ZRANB2: variants seen among roughly 807,000 people sequenced by gnomAD.
ZRANB2 encodes zinc finger Ran-binding domain-containing protein 2.
A neutral mutation model predicts 53.4 loss-of-function variants in ZRANB2; 19 were observed. The observed-to-expected ratio is 0.36, with a 90% CI of 0.25 to 0.52. The LOEUF (loss-of-function observed/expected upper bound fraction) is 0.52, where lower values mean the gene tolerates loss of function less well. Ranked by LOEUF, ZRANB2 falls within the 20% of genes least tolerant of loss-of-function variation. ZRANB2 has a pLI of 0.93. For missense variants in ZRANB2, 309 were observed against 401.1 expected (o/e 0.77, Z 1.96); for synonymous variants, 145 against 134.8 (o/e 1.08, Z -0.52).
intron 4 of ZRANB2, among the ~76,000 whole-genome samples, chr1:71,075,997 A>C (rs559573237): frequency 6.6e-6 from 1 of 152,264 alleles, no homozygotes; most frequent in South Asian, 2.1e-4. Flanking sequence ...CCTAGAAACT[A>C]AACAGACAAT....
rs1454216469 is a variant in ZRANB2 at position 71,066,938 on chromosome 1, C to G, written c.771-4G>C. 7.1e-6 allele frequency: 11 copies of G among 1,549,774 alleles called. No individual in the cohort carries two copies. Among genetic ancestry groups the G allele is most frequent in the Non-Finnish European group, 7.0e-6 (8 of 1,149,258 alleles). Reference sequence around the variant, plus strand: ...CCTGTGGGACCTGGAGCTGGATCTTCATTGATTGAGAAACAAATCAAACAT... The same window carrying G: ...CCTGTGGGACCTGGAGCTGGATCTTGATTGATTGAGAAACAAATCAAACAT... On this transcript the variant is annotated splice_polypyrimidine_tract_variant and splice_region_variant and intron_variant, in intron 8 of 9. Transcript: ENST00000370920.
chr1:71,079,569 C>A (rs374568547), intron 1 of ZRANB2, among the ~76,000 whole-genome samples: 2 of 152,080 alleles, frequency 1.3e-5, no homozygotes, highest in African/African-American at 4.8e-5. Flanking sequence ...AAGTTTTTCC[C>A]CTAAAAATAT....
rs764312401 is a variant in ZRANB2 at position 71,080,960 on chromosome 1, G to A, written c.36C>T (p.Asp12=). 3.1e-6 allele frequency: 5 copies of A among 1,614,146 alleles called. No individual in the cohort carries two copies. Among genetic ancestry groups the A allele is most frequent in the Non-Finnish European group, 4.2e-6 (5 of 1,180,032 alleles). Reference sequence around the variant, plus strand: ...CTCACTTTTTGTCAGGGCAAATCCAGTCCCCGTCACTGACTCGGAAATTCT... The same window carrying A: ...CTCACTTTTTGTCAGGGCAAATCCAATCCCCGTCACTGACTCGGAAATTCT... The part of the protein sequence containing the change: ...STKNFRVSDG[D]WICPDKKCGN... Residue 12 remains aspartate (D), a synonymous_variant, in exon 1 of 10, where the codon GAC becomes GAT. Coordinates refer to ENST00000370920, the MANE Select transcript of ZRANB2 (RefSeq NM_203350.3).
At chr1:71,071,099 C>T in intron 6 of ZRANB2, 103 bp from the exon 7 acceptor site, 1 of 898,750 alleles carries the variant, frequency 1.1e-6, no homozygotes, top group Non-Finnish European at 1.5e-6. Context: ...GCATATATCA[C>T]AGGTATCTCA....
At chr1:71,074,975 T>G (rs1204273856) in intron 4 of ZRANB2, among the ~76,000 whole-genome samples, 1 of 152,144 alleles carries the variant, frequency 6.6e-6, no homozygotes, top group East Asian at 1.9e-4. Flanking sequence ...CCAGAATGAC[T>G]GAAAAATGAC....
intron 9 of ZRANB2, among the ~76,000 whole-genome samples, chr1:71,065,350 T>C (rs966330209): frequency 4.6e-5 from 7 of 152,074 alleles, no homozygotes; most frequent in African/African-American, 1.7e-4. Flanking sequence ...AAAAATTCTC[T>C]ACAATTTCAA....
At chr1:71,079,696 A>T (rs1661792569) in intron 1 of ZRANB2, among the ~76,000 whole-genome samples, 1 of 152,232 alleles carries the variant, frequency 6.6e-6, no homozygotes, top group East Asian at 1.9e-4. Context: ...ATGAACTCTC[A>T]TTGAGAGTCC....
chr1:71,067,359 T>C (rs575851798), intron 8 of ZRANB2: 2 of 201,998 alleles, frequency 9.9e-6, no homozygotes, highest in African/African-American at 4.8e-5. Flanking sequence ...CATAATTCCA[T>C]GTGGAATTAT....
rs769509876 is a variant in ZRANB2, at chr1:71,076,868, A to G, written c.228T>C (p.Asn76=). 1 of 1,612,188 alleles carries G rather than the reference A, an allele frequency of 6.2e-7. No homozygotes were observed. Among genetic ancestry groups the G allele is most frequent in the South Asian group, 1.1e-5 (1 of 90,700 alleles). The change falls in exon 4 of 10, where the codon AAT becomes AAC. Residue 76 remains asparagine, a synonymous_variant. Transcript: ENST00000370920. ...ANDWQCKTCS[N]VNWARRSECN... is the part of the protein sequence containing the mutation. ...ACTCTGATCTTCTGGCCCAATTCAC[A>G]TTGCTGCAACTTTAGAAGTGAAAAA...
rs1157098900 is a variant in ZRANB2, at chr1:71,064,386, GA to G, written c.*687del. ...TTTATCAAGCAACCGTATCAGCAGA[GA>G]AAAGATAAACTCTTAAGACTTTCTT... On this transcript the variant is annotated 3_prime_UTR_variant, in exon 10 of 10. Coordinates refer to ENST00000370920, the MANE Select transcript of ZRANB2 (RefSeq NM_203350.3). The G allele has an allele frequency of 1.3e-5, 2 of 152,448 alleles. No homozygotes were observed. The highest frequency in any genetic ancestry group is 3.9e-4 in the East Asian group (2 of 5,190). The allele number at this position is 152,448 out of a possible 1,614,324, so 9.4% of individuals were successfully genotyped here. A position where few individuals can be genotyped will look rare whatever the true frequency, so the allele number is the denominator to read the frequency against.
intron 8 of ZRANB2, chr1:71,067,586 T>C (rs779559640): frequency 7.5e-6 from 3 of 398,216 alleles, no homozygotes; most frequent in Non-Finnish European, 1.5e-5. Flanking sequence ...AATGTTTAAA[T>C]ACAAATTTTT....
chr1:71,064,981 A>T lies in ZRANB2; in HGVS notation c.*93T>A. The stretch of plus-strand genomic sequence containing the variant: ...GAAAGGCATGCACCTCTACTAGCAG[A>T]TTTAGCACTTCTGACCAAGTAAGAC... On this transcript the variant is annotated 3_prime_UTR_variant, in exon 10 of 10. Coordinates refer to ENST00000370920, the MANE Select transcript of ZRANB2 (RefSeq NM_203350.3). The T allele has an allele frequency of 1.3e-6, 1 of 788,554 alleles. No homozygotes were observed. Among genetic ancestry groups the T allele is most frequent in the Non-Finnish European group, 2.1e-6 (1 of 482,884 alleles). 48.8% of individuals were successfully genotyped at this position (788,554 alleles called of 1,614,324 possible).
chr1:71,069,175 C>T (rs1661538910), intron 8 of ZRANB2, 101 bp downstream of exon 8: 3 of 908,058 alleles, frequency 3.3e-6, no homozygotes, highest in South Asian at 3.8e-5. Context: ...AAAATAAAAT[C>T]GACAAGTAGA....
At chr1:71,076,145 A>T (rs1661706411) in intron 4 of ZRANB2, among the ~76,000 whole-genome samples, 1 of 152,236 alleles carries the variant, frequency 6.6e-6, no homozygotes. Flanking sequence ...ATCAGATTTT[A>T]AGTAAACAGA....
At chr1:71,077,187 A>T (rs1297636474) in intron 3 of ZRANB2, among the ~76,000 whole-genome samples, 1 of 152,148 alleles carries the variant, frequency 6.6e-6, no homozygotes, top group Non-Finnish European at 1.5e-5. Flanking sequence ...CCAAAATCCA[A>T]AAACGTTCCA....
intron 1 of ZRANB2, 29 bp from the exon 2 acceptor site, chr1:71,078,737 A>C (rs1268355403): frequency 6.3e-7 from 1 of 1,586,096 alleles, no homozygotes; most frequent in East Asian, 2.2e-5. Context: ...GCATTTATAA[A>C]AATTTAAATT....
rs1364626628 is a variant in ZRANB2, at chr1:71,064,795, T to A, written c.*279A>T. The stretch of plus-strand genomic sequence containing the variant: ...TGGAAATGACAAAAATGGGTTTAAA[T>A]TAGGAAGCAAAGTACTTTGTTATAG... On this transcript the variant is annotated 3_prime_UTR_variant, in exon 10 of 10. Coordinates refer to ENST00000370920, the MANE Select transcript of ZRANB2 (RefSeq NM_203350.3). 4.1e-6 allele frequency: 1 copy of A among 244,690 alleles called. No individual in the cohort carries two copies. The highest frequency in any genetic ancestry group is 8.4e-5 in the East Asian group (1 of 11,976). 15.2% of individuals were successfully genotyped at this position (244,690 alleles called of 1,614,324 possible). A position where few individuals can be genotyped will look rare whatever the true frequency, so the allele number is the denominator to read the frequency against.
intron 1 of ZRANB2, among the ~76,000 whole-genome samples, chr1:71,080,395 A>T (rs1661812535): frequency 6.6e-6 from 1 of 152,150 alleles, no homozygotes; most frequent in Non-Finnish European, 1.5e-5. Flanking sequence ...TGGAGAAATG[A>T]TCCACAAAGA....
Position 71,081,009 on chromosome 1 carries a change from A to G in ZRANB2, c.-14T>C, listed in dbSNP as rs371061544. ...CTTGGTCGACATCTTGAACGCCACC[A>G]GCACAGCCACCCGCAGCTATGTCTT... On this transcript the variant is annotated 5_prime_UTR_variant, in exon 1 of 10. Coordinates refer to ENST00000370920, the MANE Select transcript of ZRANB2 (RefSeq NM_203350.3). 7.4e-6 allele frequency: 12 copies of G among 1,613,996 alleles called. No homozygotes were observed. The African/African-American group carries it at 1.2e-4, about 16-fold the overall frequency.
Sources: gnomAD v4.1 joint callset for allele counts (sites outside exome capture counted in the v4.1 genomes callset) on GRCh38, gnomAD v4.1.1 for gene constraint, MANE v1.5 for transcripts, NCBI Gene and HGNC (gene_info 2026-07-23, HGNC 2026-07-21) for gene names.